TENM2: variants seen among roughly 807,000 people sequenced by gnomAD.
The protein encoded by TENM2 is teneurin transmembrane protein 2, also known as teneurin-2.
Under a neutral mutation model 245.2 loss-of-function variants are expected in TENM2, and 52 were observed. The ratio of observed to expected loss-of-function variants is 0.21; its 90% confidence interval spans 0.17 to 0.27. The LOEUF is 0.27. Ranked by LOEUF, TENM2 falls within the 10% of genes least tolerant of loss-of-function variation. The pLI is 1.00. For missense variants in TENM2, 3,046 were observed against 3,666.8 expected (o/e 0.83, Z 4.37); for synonymous variants, 1,363 against 1,438.9 (o/e 0.95, Z 1.19).
chr5:167,697,556 G>A (rs2150425320), intron 2 of TENM2, among the ~76,000 whole-genome samples: 1 of 152,082 alleles, frequency 6.6e-6, no homozygotes, highest in Non-Finnish European at 1.5e-5. Flanking sequence ...TTGAGATATA[G>A]TTTAGCTCTT....
chr5:167,364,258 G>A (rs1217027348), intron 1 of TENM2, among the ~76,000 whole-genome samples: 1 of 151,880 alleles, frequency 6.6e-6, no homozygotes, highest in African/African-American at 2.4e-5. Flanking sequence ...TAAATAGACT[G>A]GTACAACATA....
chr5:167,726,107 T>G (rs1457529836), intron 2 of TENM2, among the ~76,000 whole-genome samples: 3 of 151,948 alleles, frequency 2.0e-5, no homozygotes, highest in African/African-American at 7.2e-5. Flanking sequence ...GGGTTCCTCT[T>G]AAATCCCAGT....
At chr5:168,004,515 GCGCACACA>G (rs1397070026) in intron 5 of TENM2, among the ~76,000 whole-genome samples, 4 of 73,632 alleles carry the variant, frequency 5.4e-5, no homozygotes, top group African/African-American at 1.8e-4. Context: ...ATGCGCGCGC[GCGCACACA>G]CACACACACA....
chr5:167,158,399 C>A, the TENM2 span, among the ~76,000 whole-genome samples: 1 of 152,142 alleles, frequency 6.6e-6, no homozygotes, highest in Non-Finnish European at 1.5e-5. Flanking sequence ...CTTTCTTGCT[C>A]TTCTTTATCA....
At chr5:167,141,746 T>C in the TENM2 span, among the ~76,000 whole-genome samples, 2 of 152,174 alleles carry the variant, frequency 1.3e-5, no homozygotes, top group Non-Finnish European at 2.9e-5. Context: ...CACTGGCTAT[T>C]TTTAGTTATT....
At chr5:167,025,697 A>ATC in the TENM2 span, among the ~76,000 whole-genome samples, 1 of 152,172 alleles carries the variant, frequency 6.6e-6, no homozygotes, top group South Asian at 2.1e-4. Context: ...CATCAATCCC[A>ATC]ACTCTGTGCT....
intron 2 of TENM2, among the ~76,000 whole-genome samples, chr5:167,419,690 A>T (rs1763376874): frequency 6.6e-6 from 1 of 152,204 alleles, no homozygotes; most frequent in South Asian, 2.1e-4. Context: ...GACAGGCCTA[A>T]GTTACAATTC....
In TENM2 at chr5:167,376,757, G is replaced by A. The variant is rs532520421; in HGVS notation, c.502+1284G>A. Among the ~76,000 whole-genome samples, 21 of 152,122 alleles carry A rather than the reference G, an allele frequency of 1.4e-4. No homozygotes were observed. In the Middle Eastern group the frequency reaches 0.01, roughly 74 times the overall value. ...AATTTTAACAAAATTCTGACACTTG[G>A]CACATTTGACACTCTGAGGTGCTTA... On this transcript the variant is annotated intron_variant, in intron 2 of 28. Coordinates refer to ENST00000518659, the Ensembl canonical transcript of TENM2.
chr5:167,386,134 A>G (rs948502179), intron 2 of TENM2, among the ~76,000 whole-genome samples: 1 of 152,116 alleles, frequency 6.6e-6, no homozygotes, highest in Non-Finnish European at 1.5e-5. Context: ...ACTAGTTTAC[A>G]TTCCCATCAG....
intron 2 of TENM2, among the ~76,000 whole-genome samples, chr5:167,397,223 G>A (rs1348093667): frequency 1.3e-5 from 2 of 151,590 alleles, no homozygotes; most frequent in Non-Finnish European, 2.9e-5. Context: ...GAGGGAGGGA[G>A]AATAGGAGAG....
At chr5:167,224,624 T>A in the TENM2 span, among the ~76,000 whole-genome samples, 1 of 152,096 alleles carries the variant, frequency 6.6e-6, no homozygotes, top group Non-Finnish European at 1.5e-5. Flanking sequence ...GGTAGTGTGA[T>A]GTCTCTAGCC....
chr5:167,509,016 C>T (rs2127566597), intron 2 of TENM2, among the ~76,000 whole-genome samples: 2 of 152,234 alleles, frequency 1.3e-5, no homozygotes, highest in East Asian at 3.9e-4. Context: ...CAGGGTTTCA[C>T]CATGTTGGCC....
At chr5:167,442,965 G>T (rs910378577) in intron 2 of TENM2, among the ~76,000 whole-genome samples, 18 of 152,118 alleles carry the variant, frequency 1.2e-4, no homozygotes, top group African/African-American at 4.3e-4. Context: ...TGCTCAATTT[G>T]CTTATACAGG....
chr5:167,562,064 A>G (rs1773627671), intron 2 of TENM2, among the ~76,000 whole-genome samples: 1 of 152,112 alleles, frequency 6.6e-6, no homozygotes, highest in African/African-American at 2.4e-5. Flanking sequence ...CTTGGAAGGG[A>G]TGGCTGTGCC....
intron 2 of TENM2, among the ~76,000 whole-genome samples, chr5:167,549,076 G>A (rs911091649): frequency 4.0e-5 from 6 of 151,858 alleles, no homozygotes; most frequent in African/African-American, 1.2e-4. Context: ...AGTATCTATC[G>A]CAAAAATACT....
rs1024957063 is a variant in TENM2 at position 167,690,959 on chromosome 5, G to T, written c.503-185027G>T. 4.3e-4 allele frequency among the ~76,000 whole-genome samples: 61 copies of T among 141,454 alleles called. 1 individual carries two copies. The highest frequency in any genetic ancestry group is 1.6e-3 in the African/African-American group (61 of 38,144). 92.8% of individuals were successfully genotyped at this position (141,454 alleles called of 152,430 possible). A position where few individuals can be genotyped will look rare whatever the true frequency, so the allele number is the denominator to read the frequency against. ...TGTGTGTGTGTGTGTGTGTGTGTGT[G>T]TGTGTGTGTGTAGAGAGAGAGAGGA... On this transcript the variant is annotated intron_variant, in intron 2 of 28. Coordinates refer to ENST00000518659, the Ensembl canonical transcript of TENM2.
the TENM2 span, among the ~76,000 whole-genome samples, chr5:167,194,434 C>T: frequency 6.6e-6 from 1 of 151,992 alleles, no homozygotes; most frequent in Non-Finnish European, 1.5e-5. Flanking sequence ...TCTGAATGTA[C>T]ATCAAAGCTC....
At chr5:167,900,161 AATG>A (rs1444283071) in intron 3 of TENM2, among the ~76,000 whole-genome samples, 1 of 135,814 alleles carries the variant, frequency 7.4e-6, no homozygotes, top group African/African-American at 2.8e-5. Context: ...AAAGGAAAGG[AATG>A]ATATCTTTCT....
chr5:167,265,785 C>T, the TENM2 span, among the ~76,000 whole-genome samples: 340 of 152,228 alleles, frequency 2.2e-3, 1 homozygote, highest in African/African-American at 7.8e-3. Context: ...ACACATGTTA[C>T]GGTTCCAGCT....
Sources: allele counts gnomAD v4.1 joint callset (sites outside exome capture counted in the v4.1 genomes callset), GRCh38; gene constraint gnomAD v4.1.1; transcripts MANE v1.5; gene names NCBI Gene and HGNC (gene_info 2026-07-23, HGNC 2026-07-21).